The following MS4A1 variants were observed in gnomAD, a reference collection of about 807,000 sequenced individuals.
MS4A1 encodes B-lymphocyte antigen CD20.
MS4A1 carries 16 observed loss-of-function variants against 26.5 expected under a neutral mutation model. The observed-to-expected ratio is 0.60, with a 90% CI of 0.41 to 0.92. The LOEUF is 0.92. Among genes scored for constraint, MS4A1 ranks in the 40% least tolerant of loss-of-function variants. MS4A1 has a pLI of 0.00. For synonymous variants in MS4A1, 128 were observed against 117.6 expected (o/e 1.09, Z -0.57); for missense variants, 350 against 353.0 (o/e 0.99, Z 0.07).
intron 1 of MS4A1, among the ~76,000 whole-genome samples, chr11:60,460,115 G>C (rs544477943): frequency 1.5e-4 from 23 of 152,058 alleles, no homozygotes; most frequent in South Asian, 1.0e-3. Context: ...GTATGGTGGT[G>C]GTTGCCCGTG....
chr11:60,468,535 G>A lies in MS4A1; in HGVS notation c.*67G>A, dbSNP rs2086314984. On this transcript the variant is annotated 3_prime_UTR_variant, in exon 8 of 8. Coordinates refer to ENST00000345732, the MANE Select transcript of MS4A1 (RefSeq NM_152866.3). ...GTTCATAGCTTCCAAGAGACATGCT[G>A]ACTTTCATTTCTTGAGGTACTCTGC... is the stretch of plus-strand genomic sequence containing the variant. 1 of 1,474,884 alleles carries A rather than the reference G, an allele frequency of 6.8e-7. No individual in the cohort carries two copies. Among genetic ancestry groups the A allele is most frequent in the South Asian group, 1.2e-5 (1 of 85,232 alleles). 91.4% of individuals were successfully genotyped at this position (1,474,884 alleles called of 1,614,324 possible). A position where few individuals can be genotyped will look rare whatever the true frequency, so the allele number is the denominator to read the frequency against.
At chr11:60,459,466 T>C (rs2086230541) in intron 1 of MS4A1, among the ~76,000 whole-genome samples, 1 of 152,206 alleles carries the variant, frequency 6.6e-6, no homozygotes, top group Non-Finnish European at 1.5e-5. Context: ...GTGAGTGCCT[T>C]CTAGCTTGGC....
In MS4A1 at chr11:60,468,307, G is replaced by T; in HGVS notation, c.733G>T (p.Glu245Ter). 1.2e-6 allele frequency: 2 copies of T among 1,613,914 alleles called. No homozygotes were observed. The highest frequency in any genetic ancestry group is 1.7e-6 in the Non-Finnish European group (2 of 1,179,902). Residue 245 changes from glutamate to a stop codon, truncating the protein, a stop_gained, in exon 8 of 8, where the codon GAA becomes TAA. Transcript: ENST00000345732. LOFTEE classifies it high-confidence loss of function. ...KKEQTIEIKE[E>*]VVGLTETSSQ... ...AGAACAGACTATTGAAATAAAAGAA[G>T]AAGTGGTTGGGCTAACTGAAACATC...
rs549730260 is a variant in MS4A1, at chr11:60,461,626, T to A, written c.-191+466T>A. ...CCTCTGCCTCCTGGGTTCAAGCAAT[T>A]CTCCTGCCTTAGCCTCCCGAGTAGC... is the stretch of plus-strand genomic sequence containing the variant. On this transcript the variant is annotated intron_variant, in intron 2 of 7. Coordinates refer to ENST00000345732, the MANE Select transcript of MS4A1 (RefSeq NM_152866.3). 1.1e-4 allele frequency among the ~76,000 whole-genome samples: 16 copies of A among 151,722 alleles called. No homozygotes were observed. In the South Asian group the frequency reaches 3.1e-3, roughly 30 times the overall value.
chr11:60,464,426 C>T, intron 5 of MS4A1, 82 bp downstream of exon 5: 1 of 1,238,562 alleles, frequency 8.1e-7, no homozygotes, highest in Non-Finnish European at 1.2e-6. Context: ...CCTTAAAAAG[C>T]CAAGGTATCA....
At chr11:60,467,127 G>A (rs1304391871) in intron 7 of MS4A1, 67 bp downstream of exon 7, 3 of 1,314,454 alleles carry the variant, frequency 2.3e-6, no homozygotes, top group East Asian at 4.6e-5. Flanking sequence ...GATCATTTAT[G>A]GAGAATGTAA....
chr11:60,468,445 A>G lies in MS4A1; in HGVS notation c.871A>G (p.Ile291Val). The G allele has an allele frequency of 6.2e-7, 1 of 1,614,134 alleles. No homozygotes were observed. The highest frequency in any genetic ancestry group is 8.5e-7 in the Non-Finnish European group (1 of 1,179,964). Residue 291 changes from isoleucine to valine, a missense_variant, in exon 8 of 8, where the codon ATA (isoleucine) becomes GTA (valine). By Grantham distance (29) the Ile-to-Val change is conservative. Coordinates refer to ENST00000345732, the MANE Select transcript of MS4A1 (RefSeq NM_152866.3). ...EPPQDQESSPIENDSSP is the reference protein window; with the variant it reads ...EPPQDQESSPVENDSSP ...TCCCCAAGATCAGGAATCCTCACCA[A>G]TAGAAAATGACAGCTCTCCTTAAGT...
chr11:60,459,552 C>T (rs2135193782), intron 1 of MS4A1, among the ~76,000 whole-genome samples: 1 of 152,294 alleles, frequency 6.6e-6, no homozygotes, highest in Admixed American at 6.5e-5. Context: ...GTGAAATGAA[C>T]AGAATGGTTT....
chr11:60,466,263 T>G (rs2086290937), intron 6 of MS4A1, 106 bp downstream of exon 6: 1 of 926,912 alleles, frequency 1.1e-6, no homozygotes, highest in African/African-American at 1.6e-5. Context: ...AGTTTGCTAG[T>G]TACTGTCTGT....
intron 1 of MS4A1, among the ~76,000 whole-genome samples, chr11:60,456,695 C>A (rs35454760): frequency 6.6e-6 from 1 of 152,154 alleles, no homozygotes; most frequent in Non-Finnish European, 1.5e-5. Flanking sequence ...AAGTGATTCC[C>A]TTTCCCTGTT....
intron 6 of MS4A1, chr11:60,466,676 C>G: frequency 2.3e-6 from 1 of 436,608 alleles, no homozygotes. Flanking sequence ...AGACTCATTA[C>G]TTATTCTTTC....
intron 1 of MS4A1, among the ~76,000 whole-genome samples, chr11:60,457,659 C>T (rs1318527504): frequency 6.6e-6 from 1 of 152,104 alleles, no homozygotes; most frequent in Non-Finnish European, 1.5e-5. Flanking sequence ...ACTATCTAAG[C>T]CTGGGTGGCA....
At chr11:60,463,589 T>C (rs2086266390) in intron 4 of MS4A1, among the ~76,000 whole-genome samples, 1 of 152,224 alleles carries the variant, frequency 6.6e-6, no homozygotes, top group African/African-American at 2.4e-5. Context: ...TTTTGGCTGT[T>C]TTACGTACAT....
Position 60,468,499 on chromosome 11 carries a change from TA to T in MS4A1, c.*34del. 1 of 1,596,850 alleles carries T rather than the reference TA, an allele frequency of 6.3e-7. No individual in the cohort carries two copies. Among genetic ancestry groups the T allele is most frequent in the South Asian group, 1.1e-5 (1 of 90,188 alleles). On this transcript the variant is annotated 3_prime_UTR_variant, in exon 8 of 8. Coordinates refer to ENST00000345732, the MANE Select transcript of MS4A1 (RefSeq NM_152866.3). ...TTCTTCTGTTTTCTGTTTCCTTTTTTAAACATTAGTGTTCATAGCTTCCAAG... is the reference window on the plus strand; with the variant it reads ...TTCTTCTGTTTTCTGTTTCCTTTTTTAACATTAGTGTTCATAGCTTCCAAG...
chr11:60,467,548 T>C (rs2086304552), intron 7 of MS4A1, among the ~76,000 whole-genome samples: 1 of 152,068 alleles, frequency 6.6e-6, no homozygotes, highest in Non-Finnish European at 1.5e-5. Flanking sequence ...AGTGCTGGGA[T>C]TGCAGGCGTG....
chr11:60,465,903 T>A lies in MS4A1; in HGVS notation c.337-18T>A. 6.3e-7 allele frequency: 1 copy of A among 1,583,302 alleles called. No homozygotes were observed. Among genetic ancestry groups the A allele is most frequent in the South Asian group, 1.1e-5 (1 of 90,424 alleles). ...AGGGAAATCAAACCCAATTAATAAA[T>A]CTGTGTCTCCATTTCAGGTCAAAGG... On this transcript the variant is annotated intron_variant, in intron 5 of 7. Transcript: ENST00000345732.
Position 60,467,021 on chromosome 11 carries a change from T to G in MS4A1, c.636T>G (p.Val212=). The G allele has an allele frequency of 6.2e-7, 1 of 1,614,182 alleles. No individual in the cohort carries two copies. Among genetic ancestry groups the G allele is most frequent in the Non-Finnish European group, 8.5e-7 (1 of 1,180,022 alleles). The change falls in exon 7 of 8, where the codon GTT becomes GTG. Residue 212 remains valine (V), a synonymous_variant. Transcript: ENST00000345732. ...AGGAACTTGTAATAGCTGGCATCGT[T>G]GAGAATGAATGGAAAAGAACGTGCT... The part of the protein sequence containing the change: ...FFQELVIAGI[V]ENEWKRTCSR...
chr11:60,458,110 GA>G (rs1348894355), intron 1 of MS4A1: 1 of 152,218 alleles, frequency 6.6e-6, no homozygotes, highest in Non-Finnish European at 1.5e-5. Context: ...CATATTGCCA[GA>G]AATTGGGAGA....
At chr11:60,468,153 T>C in intron 7 of MS4A1, 97 bp from the exon 8 acceptor site, 1 of 1,170,666 alleles carries the variant, frequency 8.5e-7, no homozygotes, top group South Asian at 1.4e-5. Flanking sequence ...ATAAGTAGCA[T>C]AAAAACCAGG....
Sources: allele counts gnomAD v4.1 joint callset (sites outside exome capture counted in the v4.1 genomes callset), GRCh38; gene constraint gnomAD v4.1.1; transcripts MANE v1.5; gene names NCBI Gene and HGNC (gene_info 2026-07-23, HGNC 2026-07-21).